Variants in SCLT1 observed in about 807,000 individuals in gnomAD.
SCLT1 encodes sodium channel and clathrin linker 1.
A neutral mutation model predicts 112.8 loss-of-function variants in SCLT1; 78 were observed. The observed-to-expected ratio is 0.69, with a 90% CI of 0.58 to 0.83. The LOEUF (loss-of-function observed/expected upper bound fraction) is 0.83, where lower values mean the gene tolerates loss of function less well. Ranked by LOEUF, SCLT1 falls within the 40% of genes least tolerant of loss-of-function variation. The pLI is 0.00. For missense variants in SCLT1, 747 were observed against 770.4 expected, an observed-to-expected ratio of 0.97 and a Z score of 0.36; for synonymous variants, 257 against 254.7, an observed-to-expected ratio of 1.01 and a Z score of -0.09.
intron 5 of SCLT1, among the ~76,000 whole-genome samples, chr4:129,022,422 C>T (rs1745571857): frequency 6.6e-6 from 1 of 152,126 alleles, no homozygotes; most frequent in South Asian, 2.1e-4. Flanking sequence ...GAACTGCTAA[C>T]TAGAATAACC....
intron 2 of SCLT1, among the ~76,000 whole-genome samples, chr4:129,051,979 G>A (rs35149191): frequency 0.059 from 8,920 of 152,188 alleles, 318 homozygotes; most frequent in African/African-American, 0.09. Flanking sequence ...CATCTATTGA[G>A]ATAATCGTGT....
intron 18 of SCLT1, among the ~76,000 whole-genome samples, chr4:128,930,313 C>A (rs188403056): frequency 1.3e-5 from 2 of 152,108 alleles, no homozygotes; most frequent in Non-Finnish European, 2.9e-5. Flanking sequence ...CTTCTATCCA[C>A]GGAGGTGTAA....
At chr4:128,979,990 C>A (rs1319891888) in intron 9 of SCLT1, among the ~76,000 whole-genome samples, 1 of 152,152 alleles carries the variant, frequency 6.6e-6, no homozygotes, top group Non-Finnish European at 1.5e-5. Flanking sequence ...TGACAGTAAT[C>A]CCTTTAAATA....
At chr4:129,019,637 A>G (rs555967103) in intron 5 of SCLT1, among the ~76,000 whole-genome samples, 24 of 151,588 alleles carry the variant, frequency 1.6e-4, no homozygotes, top group Non-Finnish European at 2.9e-4. Flanking sequence ...AGCTGCCGCT[A>G]TATTTTTGTG....
chr4:128,881,652 T>C (rs1222276445), downstream of SCLT1, among the ~76,000 whole-genome samples: 2 of 152,216 alleles, frequency 1.3e-5, no homozygotes, highest in East Asian at 1.9e-4. Flanking sequence ...ATTGCAGATC[T>C]ATATCATTTC....
At chr4:128,933,684 C>T (rs769736458) in intron 18 of SCLT1, among the ~76,000 whole-genome samples, 6 of 152,216 alleles carry the variant, frequency 3.9e-5, no homozygotes, top group Middle Eastern at 3.4e-3. Flanking sequence ...AGAGAATACA[C>T]GTTCTTAACG....
chr4:128,887,774 C>T (rs915324181), intron 20 of SCLT1, among the ~76,000 whole-genome samples: 4 of 152,128 alleles, frequency 2.6e-5, no homozygotes, highest in African/African-American at 9.7e-5. Flanking sequence ...TACTCTATTT[C>T]CCACTGGACA....
chr4:129,044,062 A>ATG lies in SCLT1; in HGVS notation c.103-13_103-12dup. 1 of 1,489,886 alleles carries ATG rather than the reference A, an allele frequency of 6.7e-7. No individual in the cohort carries two copies. Among genetic ancestry groups the ATG allele is most frequent in the Non-Finnish European group, 9.3e-7 (1 of 1,076,890 alleles). The allele number at this position is 1,489,886 out of a possible 1,614,324, so 92.3% of individuals were successfully genotyped here. On this transcript the variant is annotated splice_polypyrimidine_tract_variant and intron_variant, in intron 2 of 20. Transcript: ENST00000281142. ...TTGGCAGACAGCTTTCTATAAAAGA[A>ATG]TGTACATCTTAAAATGTGTTCTCAC... is the stretch of plus-strand genomic sequence containing the variant.
At chr4:129,078,590 G>A (rs1002276799) in intron 2 of SCLT1, among the ~76,000 whole-genome samples, 2 of 151,982 alleles carry the variant, frequency 1.3e-5, no homozygotes, top group African/African-American at 2.4e-5. Context: ...ATAGTGAATG[G>A]ATAGCTTCAA....
In SCLT1 at chr4:129,003,840, T is replaced by C; in HGVS notation, c.327A>G (p.Lys109=). 1 of 1,605,590 alleles carries C rather than the reference T, an allele frequency of 6.2e-7. No individual in the cohort carries two copies. Among genetic ancestry groups the C allele is most frequent in the African/African-American group, 1.3e-5 (1 of 74,828 alleles). The change falls in exon 6 of 21, where the codon AAA becomes AAG. Residue 109 remains lysine (K), a synonymous_variant. Transcript: ENST00000281142. ...HSELKDAVEK[K]LEAFPLGTEV... ...CTGTGCCCAGGGGAAAGGCCTCCAA[T>C]TTTTTTTCAACAGCATCTTTTAATT...
intron 2 of SCLT1, among the ~76,000 whole-genome samples, chr4:129,065,972 G>A (rs1450977713): frequency 6.6e-6 from 1 of 151,798 alleles, no homozygotes; most frequent in Non-Finnish European, 1.5e-5. Context: ...AAGTCAGTAG[G>A]GAAAACATCA....
intron 9 of SCLT1, 65 bp from the exon 10 acceptor site, chr4:128,970,533 A>G (rs895253460): frequency 6.8e-6 from 6 of 877,926 alleles, no homozygotes; most frequent in Non-Finnish European, 1.1e-5. Context: ...AAATTAGAAT[A>G]GAAATCTGAA....
At chr4:129,048,872 T>C (rs1049102357) in intron 2 of SCLT1, among the ~76,000 whole-genome samples, 2 of 151,818 alleles carry the variant, frequency 1.3e-5, no homozygotes, top group Non-Finnish European at 2.9e-5. Flanking sequence ...AAAAGACACA[T>C]GAAAAAATGC....
At chr4:128,873,936 C>T (rs1732387023) in intron 5 of SCLT1, 1 of 152,620 alleles carries the variant, frequency 6.6e-6, no homozygotes, top group Non-Finnish European at 1.5e-5. Flanking sequence ...TCTGATACAT[C>T]CCCATTGTAT....
intron 1 of SCLT1, among the ~76,000 whole-genome samples, chr4:129,092,712 G>A (rs1471472986): frequency 6.6e-6 from 1 of 152,122 alleles, no homozygotes; most frequent in Non-Finnish European, 1.5e-5. Flanking sequence ...ATAGAAACAG[G>A]AGTTCAATAA....
rs182748340 is a variant in SCLT1 at position 129,053,355 on chromosome 4, T to C, written c.103-9304A>G. 4.8e-3 allele frequency among the ~76,000 whole-genome samples: 730 copies of C among 152,204 alleles called. 6 individuals are homozygous for C. Among genetic ancestry groups the C allele is most frequent in the African/African-American group, 0.017 (693 of 41,540 alleles). ...GTTAAAGTCTCCCACTATTGTTGTG[T>C]GGGAGTGTAAGTCTCTTTGTAAGTC... On this transcript the variant is annotated intron_variant, in intron 2 of 20. Transcript: ENST00000281142.
In SCLT1 at chr4:128,936,871, C is replaced by T. The variant is rs372271490; in HGVS notation, c.1633-20G>A. On this transcript the variant is annotated intron_variant, in intron 17 of 20. Coordinates refer to ENST00000281142, the MANE Select transcript of SCLT1 (RefSeq NM_144643.4). ...ACTGATCTAAAGAATAAAATGAAAA[C>T]GTATTTTCTTTTTCTTTTCTTATAG... 6.1e-5 allele frequency: 80 copies of T among 1,313,900 alleles called. No individual in the cohort carries two copies. Among genetic ancestry groups the T allele is most frequent in the Non-Finnish European group, 7.2e-5 (68 of 950,870 alleles). The allele number at this position is 1,313,900 out of a possible 1,614,324, so 81.4% of individuals were successfully genotyped here.
At chr4:129,022,117 C>T (rs1195792140) in intron 5 of SCLT1, among the ~76,000 whole-genome samples, 1 of 152,032 alleles carries the variant, frequency 6.6e-6, no homozygotes, top group East Asian at 1.9e-4. Context: ...AAAGACCCCC[C>T]CACAAAAAGC....
rs539406130 is a variant in SCLT1 at position 128,971,236 on chromosome 4, G to T, written c.687-768C>A. 8.3e-4 allele frequency: 126 copies of T among 152,222 alleles called. 2 individuals are homozygous for T. Among genetic ancestry groups the T allele is most frequent in the African/African-American group, 3.0e-3 (123 of 41,554 alleles). The allele number at this position is 152,222 out of a possible 1,614,324, so 9.4% of individuals were successfully genotyped here. A position where few individuals can be genotyped will look rare whatever the true frequency, so the allele number is the denominator to read the frequency against. ...AAAAAAATACTGTAGTGTAGGAACTGTTCCCTATTTCTTAATTACATTTTA... is the reference window on the plus strand; with the variant it reads ...AAAAAAATACTGTAGTGTAGGAACTTTTCCCTATTTCTTAATTACATTTTA... On this transcript the variant is annotated intron_variant, in intron 9 of 20. Transcript: ENST00000281142.
Sources: allele counts gnomAD v4.1 joint callset (sites outside exome capture counted in the v4.1 genomes callset), GRCh38; gene constraint gnomAD v4.1.1; transcripts MANE v1.5; gene names NCBI Gene and HGNC (gene_info 2026-07-23, HGNC 2026-07-21).